LGR4: variants seen among roughly 807,000 people sequenced by gnomAD.
LGR4 encodes the protein leucine-rich repeat-containing G protein-coupled receptor 4.
LGR4 carries 44 observed loss-of-function variants against 84.8 expected under a neutral mutation model. That is an observed-to-expected ratio of 0.52 (90% CI 0.41 to 0.67). The LOEUF (loss-of-function observed/expected upper bound fraction) is 0.67. Among genes scored for constraint, LGR4 ranks in the 30% least tolerant of loss-of-function variants. The pLI, the probability that LGR4 is intolerant of heterozygous loss-of-function variation, is 0.00. For synonymous variants in LGR4, 429 were observed against 434.3 expected (o/e 0.99, Z 0.15); for missense variants, 1,032 against 1,131.4 (o/e 0.91, Z 1.26).
intron 2 of LGR4, among the ~76,000 whole-genome samples, chr11:27,407,039 G>A (rs1432486282): frequency 6.6e-6 from 1 of 152,144 alleles, no homozygotes; most frequent in Middle Eastern, 3.2e-3. Context: ...AGATATAGAA[G>A]AGATGACATT....
At chr11:27,372,735 T>C (rs1455915796) in intron 15 of LGR4, among the ~76,000 whole-genome samples, 1 of 152,230 alleles carries the variant, frequency 6.6e-6, no homozygotes, top group Non-Finnish European at 1.5e-5. Context: ...CAATTTATCA[T>C]ACGAAACTGA....
At chr11:27,402,291 C>G (rs955259570) in intron 2 of LGR4, among the ~76,000 whole-genome samples, 3 of 152,094 alleles carry the variant, frequency 2.0e-5, no homozygotes, top group African/African-American at 7.2e-5. Context: ...CAGCTCTACT[C>G]CTAAATGAGA....
intron 17 of LGR4, 67 bp from the exon 18 acceptor site, chr11:27,369,210 T>G: frequency 1.6e-6 from 2 of 1,248,192 alleles, no homozygotes; most frequent in Non-Finnish European, 2.2e-6. Context: ...GAAAATGATA[T>G]GGCTTGATAG....
At chr11:27,389,551 A>AT (rs1027034101) in intron 4 of LGR4, among the ~76,000 whole-genome samples, 30 of 151,932 alleles carry the variant, frequency 2.0e-4, no homozygotes, top group African/African-American at 7.3e-4. Context: ...TTTTTTGGTA[A>AT]TTTTTCTGTT....
intron 1 of LGR4, among the ~76,000 whole-genome samples, chr11:27,468,641 C>A (rs1043111967): frequency 6.6e-6 from 1 of 151,622 alleles, no homozygotes; most frequent in Non-Finnish European, 1.5e-5. Flanking sequence ...TAAGCAGCAG[C>A]CTTAGAGGTG....
Position 27,368,482 on chromosome 11 carries a change from C to T in LGR4, c.2241G>A (p.Lys747=), listed in dbSNP as rs1862811771. The T allele has an allele frequency of 6.2e-7, 1 of 1,614,186 alleles. No homozygotes were observed. Among genetic ancestry groups the T allele is most frequent in the Non-Finnish European group, 8.5e-7 (1 of 1,180,028 alleles). ...LSENSQSSMI[K]HVAWLIFTNC... is the part of the protein sequence containing the mutation. Reference sequence around the variant, plus strand: ...TGGTGAAGATTAGCCAAGCGACATGCTTAATCATGCTAGATTGTGAGTTTT... The same window carrying T: ...TGGTGAAGATTAGCCAAGCGACATGTTTAATCATGCTAGATTGTGAGTTTT... The change falls in exon 18 of 18, where the codon AAG becomes AAA. Residue 747 remains lysine, a synonymous_variant. Coordinates refer to ENST00000379214, the MANE Select transcript of LGR4 (RefSeq NM_018490.5).
rs771226257 is a variant in LGR4, at chr11:27,367,872, C to A, written c.2851G>T (p.Asp951Tyr). The change falls in exon 18 of 18, where the codon GAC becomes TAC. Residue 951 changes from aspartate (D) to tyrosine (Y), a missense_variant. Physicochemically the swap from Asp to Tyr is radical, Grantham distance 160. Transcript: ENST00000379214. ...ACGGTTACACACACAGTAGTTCAGT[C>A]TTTAACTCTTGGTAGATTGTAAGCA... ...RYAYNLPRVK[D>Y] 1 of 1,585,496 alleles carries A rather than the reference C, an allele frequency of 6.3e-7. No individual in the cohort carries two copies. The highest frequency in any genetic ancestry group is 8.5e-7 in the Non-Finnish European group (1 of 1,170,692).
At chr11:27,472,085 C>CAA in intron 1 of LGR4, 33 bp downstream of exon 1, 1 of 1,101,964 alleles carries the variant, frequency 9.1e-7, no homozygotes, top group Non-Finnish European at 1.1e-6. Context: ...CCGTTTCCTC[C>CAA]CCCCCCCTCG....
At chr11:27,466,594 T>C (rs1266847055) in intron 1 of LGR4, among the ~76,000 whole-genome samples, 13 of 152,242 alleles carry the variant, frequency 8.5e-5, no homozygotes. Flanking sequence ...TACAGAACTT[T>C]GATCTTTCCT....
intron 1 of LGR4, among the ~76,000 whole-genome samples, chr11:27,459,761 C>T (rs901001618): frequency 3.2e-4 from 49 of 151,888 alleles, no homozygotes; most frequent in African/African-American, 1.2e-3. Context: ...AGGCATGAGC[C>T]ACAGCACCTG....
intron 1 of LGR4, among the ~76,000 whole-genome samples, chr11:27,422,033 G>C (rs1458691868): frequency 3.3e-5 from 5 of 152,020 alleles, no homozygotes; most frequent in African/African-American, 1.2e-4. Flanking sequence ...GGCATCTCTG[G>C]GTGTCAACAG....
At chr11:27,413,764 C>T (rs1469351652) in intron 1 of LGR4, among the ~76,000 whole-genome samples, 1 of 152,064 alleles carries the variant, frequency 6.6e-6, no homozygotes, top group African/African-American at 2.4e-5. Flanking sequence ...TAGTATAGTA[C>T]ATATATTGGT....
At chr11:27,459,326 T>C (rs146033329) in intron 1 of LGR4, among the ~76,000 whole-genome samples, 10 of 152,278 alleles carry the variant, frequency 6.6e-5, no homozygotes, top group Admixed American at 4.6e-4. Context: ...CTCGAGTAAC[T>C]TGAGGGTTGG....
At chr11:27,467,385 G>A (rs1864796888) in intron 1 of LGR4, among the ~76,000 whole-genome samples, 1 of 151,926 alleles carries the variant, frequency 6.6e-6, no homozygotes. Flanking sequence ...GGCCAAGATG[G>A]TAAAACCCCG....
intron 4 of LGR4, among the ~76,000 whole-genome samples, chr11:27,388,040 A>G (rs774821623): frequency 1.3e-5 from 2 of 152,198 alleles, no homozygotes; most frequent in African/African-American, 4.8e-5. Context: ...TATACAAAAT[A>G]GCATAATACA....
At chr11:27,399,947 T>C (rs1863467168) in intron 2 of LGR4, among the ~76,000 whole-genome samples, 1 of 152,206 alleles carries the variant, frequency 6.6e-6, no homozygotes, top group African/African-American at 2.4e-5. Flanking sequence ...CTGAAAGAGG[T>C]ACACTGGTTC....
At chr11:27,384,537 C>T in intron 5 of LGR4, 130 bp from the exon 6 acceptor site, 2 of 684,412 alleles carry the variant, frequency 2.9e-6, no homozygotes, top group Non-Finnish European at 5.1e-6. Flanking sequence ...AACAGCTAAA[C>T]AGTTTTCTGT....
intron 1 of LGR4, among the ~76,000 whole-genome samples, chr11:27,448,299 T>C (rs1864426178): frequency 6.6e-6 from 1 of 151,500 alleles, no homozygotes; most frequent in African/African-American, 2.4e-5. Flanking sequence ...TCTTTTCTTT[T>C]TTTTTTTTTG....
At chr11:27,390,351 G>C (rs1863260946) in intron 4 of LGR4, among the ~76,000 whole-genome samples, 1 of 152,112 alleles carries the variant, frequency 6.6e-6, no homozygotes, top group African/African-American at 2.4e-5. Flanking sequence ...ACACATAAGG[G>C]TGATAACTAT....
Sources: gnomAD v4.1 joint callset for allele counts (sites outside exome capture counted in the v4.1 genomes callset) on GRCh38, gnomAD v4.1.1 for gene constraint, MANE v1.5 for transcripts, NCBI Gene and HGNC (gene_info 2026-07-23, HGNC 2026-07-21) for gene names.